The following CNTNAP2 variants were observed in gnomAD, a reference collection of about 807,000 sequenced individuals.
CNTNAP2 encodes contactin associated protein 2.
CNTNAP2 carries 98 observed loss-of-function variants against 155.2 expected under a neutral mutation model. The observed-to-expected ratio is 0.63, with a 90% CI of 0.54 to 0.75. The LOEUF (loss-of-function observed/expected upper bound fraction) is 0.75, where lower values mean the gene tolerates loss of function less well. Among genes scored for constraint, CNTNAP2 ranks in the 30% least tolerant of loss-of-function variants. CNTNAP2 has a pLI of 0.00. For synonymous variants in CNTNAP2, 651 were observed against 631.2 expected, an observed-to-expected ratio of 1.03 and a Z score of -0.47; for missense variants, 1,727 against 1,688.1, an observed-to-expected ratio of 1.02 and a Z score of -0.40.
intron 9 of CNTNAP2, among the ~76,000 whole-genome samples, chr7:147,315,144 T>C (rs1795202624): frequency 1.3e-5 from 2 of 150,630 alleles, no homozygotes; most frequent in Non-Finnish European, 3.0e-5. Flanking sequence ...TTGGCTGCCT[T>C]CTTAGTAAAA....
intron 11 of CNTNAP2, among the ~76,000 whole-genome samples, chr7:147,557,557 C>G (rs6957033): frequency 0.46 from 70,299 of 151,918 alleles, 16,416 homozygotes; most frequent in East Asian, 0.61. Context: ...TCTGTTTCTT[C>G]AGTGGCTGCT....
intron 13 of CNTNAP2, among the ~76,000 whole-genome samples, chr7:147,784,561 G>A (rs1282087462): frequency 1.9e-5 from 2 of 103,212 alleles, no homozygotes; most frequent in Admixed American, 1.1e-4. Context: ...GAGTTTTTTT[G>A]AGTGCAAAGA....
intron 1 of CNTNAP2, among the ~76,000 whole-genome samples, chr7:146,576,506 G>A (rs1206915662): frequency 6.6e-6 from 1 of 152,126 alleles, no homozygotes; most frequent in Non-Finnish European, 1.5e-5. Flanking sequence ...GGTCAGAGGG[G>A]TACTTCAGGA....
At chr7:148,293,833 A>C (rs1376775424) in intron 21 of CNTNAP2, among the ~76,000 whole-genome samples, 1 of 151,968 alleles carries the variant, frequency 6.6e-6, no homozygotes, top group Non-Finnish European at 1.5e-5. Context: ...TCAGGAGTTC[A>C]AGACAAGCCT....
At chr7:147,541,907 A>G (rs1414626574) in intron 11 of CNTNAP2, among the ~76,000 whole-genome samples, 1 of 152,172 alleles carries the variant, frequency 6.6e-6, no homozygotes, top group Non-Finnish European at 1.5e-5. Flanking sequence ...TAAAAAATGC[A>G]AGCAGGATAT....
In CNTNAP2 at chr7:146,721,889, A is replaced by ATATATAT; in HGVS notation, c.98-52381_98-52380insATATATT. Among the ~76,000 whole-genome samples the ATATATAT allele has an allele frequency of 5.3e-4, 37 of 69,706 alleles. 6 individuals are homozygous for ATATATAT. In the African/African-American group the frequency reaches 6.5e-3, roughly 12 times the overall value. The allele number at this position is 69,706 out of a possible 152,430, so 45.7% of individuals were successfully genotyped here. ...TGTGTGTGTGTGTATATATATATATATTTTTTTTTTTTTTTTTGAGATGGA... is the reference window on the plus strand; with the variant it reads ...TGTGTGTGTGTGTATATATATATATATATATATTTTTTTTTTTTTTTTTTGAGATGGA... On this transcript the variant is annotated intron_variant, in intron 1 of 23. Coordinates refer to ENST00000361727, the MANE Select transcript of CNTNAP2 (RefSeq NM_014141.6).
chr7:146,272,677 C>T (rs1038954893), intron 1 of CNTNAP2, among the ~76,000 whole-genome samples: 5 of 151,982 alleles, frequency 3.3e-5, no homozygotes, highest in Admixed American at 1.3e-4. Context: ...TGTATGTGCA[C>T]ACACACATCC....
chr7:146,188,673 A>G (rs1023956089), intron 1 of CNTNAP2, among the ~76,000 whole-genome samples: 4 of 152,198 alleles, frequency 2.6e-5, no homozygotes, highest in Non-Finnish European at 5.9e-5. Flanking sequence ...AATTATTCTC[A>G]GCATGAAATT....
At chr7:147,499,295 G>A (rs12113886) in intron 11 of CNTNAP2, among the ~76,000 whole-genome samples, 21,546 of 152,006 alleles carry the variant, frequency 0.14, 1,674 homozygotes, top group East Asian at 0.29. Flanking sequence ...TTGGGAGGCC[G>A]AGGTGGGTAG....
chr7:147,895,328 C>A (rs759908877), intron 13 of CNTNAP2, among the ~76,000 whole-genome samples: 53 of 152,062 alleles, frequency 3.5e-4, no homozygotes, highest in Non-Finnish European at 6.6e-4. Flanking sequence ...AGCCTATTTT[C>A]TTTCTCCCTT....
intron 13 of CNTNAP2, among the ~76,000 whole-genome samples, chr7:147,689,337 A>G (rs1796057407): frequency 6.6e-6 from 1 of 151,866 alleles, no homozygotes; most frequent in Non-Finnish European, 1.5e-5. Context: ...TTTAGTGGAG[A>G]CAGGGTTTCA....
intron 5 of CNTNAP2, among the ~76,000 whole-genome samples, chr7:147,113,188 C>T (rs1056778298): frequency 2.6e-5 from 4 of 151,902 alleles, no homozygotes; most frequent in Admixed American, 6.6e-5. Context: ...GTGTTCATAG[C>T]ATTCTCTGAT....
intron 17 of CNTNAP2, among the ~76,000 whole-genome samples, chr7:148,161,573 C>A (rs1805540838): frequency 6.6e-6 from 1 of 152,022 alleles, no homozygotes; most frequent in Non-Finnish European, 1.5e-5. Flanking sequence ...CTTCAGAGTA[C>A]CTCACTCCCA....
At chr7:146,338,585 C>T (rs546492976) in intron 1 of CNTNAP2, among the ~76,000 whole-genome samples, 1 of 152,222 alleles carries the variant, frequency 6.6e-6, no homozygotes, top group Admixed American at 6.5e-5. Context: ...CTCTTCCATG[C>T]TTCACCTCCA....
At chr7:146,204,102 C>T (rs1266487472) in intron 1 of CNTNAP2, among the ~76,000 whole-genome samples, 1 of 152,034 alleles carries the variant, frequency 6.6e-6, no homozygotes, top group Non-Finnish European at 1.5e-5. Context: ...TAAAATATAT[C>T]CATGGGGAAA....
chr7:147,526,701 A>C (rs1056737853), intron 11 of CNTNAP2, among the ~76,000 whole-genome samples: 1 of 152,148 alleles, frequency 6.6e-6, no homozygotes, highest in Non-Finnish European at 1.5e-5. Flanking sequence ...AATCAATTAG[A>C]TTTTTTAAGT....
chr7:147,732,308 A>G (rs1039070288), intron 13 of CNTNAP2, among the ~76,000 whole-genome samples: 4 of 151,194 alleles, frequency 2.6e-5, no homozygotes, highest in African/African-American at 9.7e-5. Flanking sequence ...TGTCATTGCG[A>G]TAGTTTGCTC....
intron 8 of CNTNAP2, among the ~76,000 whole-genome samples, chr7:147,218,797 G>A (rs1482992167): frequency 6.6e-6 from 1 of 152,006 alleles, no homozygotes; most frequent in East Asian, 1.9e-4. Flanking sequence ...TGCCTGCCAT[G>A]GTCATCTATT....
At chr7:148,391,024 C>T (rs1219128106) in intron 22 of CNTNAP2, among the ~76,000 whole-genome samples, 3 of 152,130 alleles carry the variant, frequency 2.0e-5, no homozygotes, top group African/African-American at 4.8e-5. Flanking sequence ...CAAGTCATTT[C>T]CTGTTCATTT....
Sources: gnomAD v4.1 joint callset for allele counts (sites outside exome capture counted in the v4.1 genomes callset) on GRCh38, gnomAD v4.1.1 for gene constraint, MANE v1.5 for transcripts, NCBI Gene and HGNC (gene_info 2026-07-23, HGNC 2026-07-21) for gene names.